CADM2: variants seen among roughly 807,000 people sequenced by gnomAD.
The protein encoded by CADM2 is immunoglobulin superfamily member 4D.
CADM2 carries 12 observed loss-of-function variants against 49.8 expected under a neutral mutation model. That is an observed-to-expected ratio of 0.24 (90% CI 0.15 to 0.39). The LOEUF is 0.39. Ranked by LOEUF, CADM2 falls within the 10% of genes least tolerant of loss-of-function variation. The pLI, the probability that CADM2 is intolerant of heterozygous loss-of-function variation, is 1.00. For missense variants in CADM2, 378 were observed against 492.3 expected (o/e 0.77, Z 2.20); for synonymous variants, 214 against 175.4 (o/e 1.22, Z -1.74).
At chr3:86,007,113 C>T (rs1253834011) in intron 8 of CADM2, among the ~76,000 whole-genome samples, 1 of 147,420 alleles carries the variant, frequency 6.8e-6, no homozygotes, top group African/African-American at 2.5e-5. Flanking sequence ...CACCCCCACC[C>T]CCTCACCATT....
chr3:85,447,122 G>T (rs1032368885), intron 1 of CADM2, among the ~76,000 whole-genome samples: 4 of 148,692 alleles, frequency 2.7e-5, no homozygotes, highest in Non-Finnish European at 5.9e-5. Flanking sequence ...TTGAATTGTT[G>T]TGTTTTTTGT....
chr3:85,796,171 G>T (rs1033523000), intron 2 of CADM2, among the ~76,000 whole-genome samples: 1 of 152,108 alleles, frequency 6.6e-6, no homozygotes, highest in African/African-American at 2.4e-5. Context: ...TAGCAATTGC[G>T]TGCTTTTTAT....
intron 1 of CADM2, among the ~76,000 whole-genome samples, chr3:85,222,458 C>T (rs2107794408): frequency 6.6e-6 from 1 of 152,226 alleles, no homozygotes; most frequent in African/African-American, 2.4e-5. Context: ...AAGATGCTTC[C>T]ACACAACCTT....
chr3:85,045,264 A>T (rs931564039), intron 1 of CADM2, among the ~76,000 whole-genome samples: 3 of 152,152 alleles, frequency 2.0e-5, no homozygotes, highest in Non-Finnish European at 4.4e-5. Context: ...CTTTCTAGAA[A>T]ATTGTGATAG....
chr3:85,440,791 G>C (rs1027592201), intron 1 of CADM2, among the ~76,000 whole-genome samples: 2 of 151,920 alleles, frequency 1.3e-5, no homozygotes, highest in Non-Finnish European at 2.9e-5. Context: ...AAGACCAGTC[G>C]AGCCAATATG....
At chr3:84,961,034 T>A (rs551720794) in intron 1 of CADM2, among the ~76,000 whole-genome samples, 2 of 152,188 alleles carry the variant, frequency 1.3e-5, no homozygotes, top group Non-Finnish European at 2.9e-5. Flanking sequence ...TTTGCCTGCC[T>A]CTAATCCTTC....
chr3:85,442,139 A>G (rs145081675), intron 1 of CADM2, among the ~76,000 whole-genome samples: 1 of 152,174 alleles, frequency 6.6e-6, no homozygotes, highest in African/African-American at 2.4e-5. Flanking sequence ...AGAAGTTTTT[A>G]TGCGCGTCAT....
At chr3:85,306,032 A>T (rs907191372) in intron 1 of CADM2, among the ~76,000 whole-genome samples, 1 of 151,700 alleles carries the variant, frequency 6.6e-6, no homozygotes, top group Non-Finnish European at 1.5e-5. Context: ...TGTAGGTCAA[A>T]ACCTAATAAT....
chr3:85,734,072 A>G (rs2068037465), intron 2 of CADM2, among the ~76,000 whole-genome samples: 2 of 152,172 alleles, frequency 1.3e-5, no homozygotes, highest in South Asian at 4.1e-4. Context: ...CTAAAAATAA[A>G]TGTAATTTAC....
intron 8 of CADM2, among the ~76,000 whole-genome samples, chr3:85,977,867 G>A (rs182116148): frequency 6.6e-6 from 1 of 151,686 alleles, no homozygotes; most frequent in Admixed American, 6.6e-5. Flanking sequence ...AGATAAGAGA[G>A]CGATCTCATG....
In CADM2 at chr3:84,959,527, C is replaced by T. The variant is rs1559589772; in HGVS notation, c.-81C>T. On this transcript the variant is annotated 5_prime_UTR_variant, in exon 1 of 10. Coordinates refer to ENST00000383699, the MANE Select transcript of CADM2 (RefSeq NM_001167675.2). ...GCGGGCGCCGGGAGGAGGACACCAG[C>T]GGAGCCCTGCACTCTCGTGCCCCGC... 7.4e-6 allele frequency: 10 copies of T among 1,355,250 alleles called. No homozygotes were observed. Among genetic ancestry groups the T allele is most frequent in the Non-Finnish European group, 1.0e-5 (10 of 985,428 alleles). 84.0% of individuals were successfully genotyped at this position (1,355,250 alleles called of 1,614,324 possible). A position where few individuals can be genotyped will look rare whatever the true frequency, so the allele number is the denominator to read the frequency against.
intron 1 of CADM2, among the ~76,000 whole-genome samples, chr3:85,655,440 C>T (rs1293076489): frequency 2.6e-5 from 4 of 151,758 alleles, no homozygotes; most frequent in African/African-American, 7.3e-5. Flanking sequence ...ATTACAGGCA[C>T]GAGCCACCAT....
At chr3:85,995,033 A>AAAAAAAAAAAAAAAC (rs1729209936) in intron 8 of CADM2, among the ~76,000 whole-genome samples, 1 of 151,290 alleles carries the variant, frequency 6.6e-6, no homozygotes, top group Non-Finnish European at 1.5e-5. Flanking sequence ...AAAAAAAAAA[A>AAAAAAAAAAAAAAAC]ATCATTATCT....
intron 1 of CADM2, among the ~76,000 whole-genome samples, chr3:85,678,526 A>G (rs1191361789): frequency 6.6e-6 from 1 of 152,110 alleles, no homozygotes; most frequent in Non-Finnish European, 1.5e-5. Flanking sequence ...TGTCAGATTG[A>G]TCTCTTAAAA....
intron 2 of CADM2, among the ~76,000 whole-genome samples, chr3:85,754,361 C>T (rs1366173357): frequency 6.6e-6 from 1 of 152,126 alleles, no homozygotes; most frequent in Admixed American, 6.5e-5. Context: ...GCCTGACAGT[C>T]CTGGTGGGGG....
intron 1 of CADM2, among the ~76,000 whole-genome samples, chr3:85,351,030 G>GT (rs1007411966): frequency 1.3e-5 from 2 of 152,072 alleles, no homozygotes; most frequent in Middle Eastern, 3.2e-3. Flanking sequence ...ACTGTACCAA[G>GT]TTTTTTATTT....
intron 3 of CADM2, among the ~76,000 whole-genome samples, chr3:85,803,268 C>A (rs1012713173): frequency 1.3e-5 from 2 of 152,006 alleles, no homozygotes; most frequent in Non-Finnish European, 2.9e-5. Context: ...TATTGAGAGT[C>A]CCTTTGTACC....
intron 1 of CADM2, among the ~76,000 whole-genome samples, chr3:85,615,151 A>G (rs2063766487): frequency 6.6e-6 from 1 of 150,796 alleles, no homozygotes; most frequent in South Asian, 2.1e-4. Context: ...CTATTTGTTT[A>G]CTCTTTGGCC....
chr3:85,107,486 T>C (rs2038276276), intron 1 of CADM2, among the ~76,000 whole-genome samples: 1 of 151,978 alleles, frequency 6.6e-6, no homozygotes, highest in Admixed American at 6.6e-5. Context: ...AGGCAAAAAA[T>C]TAGGTCCCTT....
Sources: gnomAD v4.1 joint callset for allele counts (sites outside exome capture counted in the v4.1 genomes callset) on GRCh38, gnomAD v4.1.1 for gene constraint, MANE v1.5 for transcripts, NCBI Gene and HGNC (gene_info 2026-07-23, HGNC 2026-07-21) for gene names.